PBRM1: variants seen among roughly 807,000 people sequenced by gnomAD.
PBRM1 encodes polybromo 1.
A neutral mutation model predicts 194.5 loss-of-function variants in PBRM1; 27 were observed. The observed-to-expected ratio is 0.14, with a 90% CI of 0.10 to 0.19. The LOEUF (loss-of-function observed/expected upper bound fraction) is 0.19, where lower values mean the gene tolerates loss of function less well. Among genes scored for constraint, PBRM1 ranks in the 10% least tolerant of loss-of-function variants. The pLI, the probability that PBRM1 is intolerant of heterozygous loss-of-function variation, is 1.00. For missense variants in PBRM1, 1,466 were observed against 2,077.2 expected, an observed-to-expected ratio of 0.71 and a Z score of 5.72; for synonymous variants, 655 against 693.2, an observed-to-expected ratio of 0.94 and a Z score of 0.87.
At chr3:52,584,468 T>TTC (rs1292135318) in intron 20 of PBRM1, among the ~76,000 whole-genome samples, 1 of 142,338 alleles carries the variant, frequency 7.0e-6, no homozygotes. Context: ...TTTTTTTTTT[T>TTC]TTTTTTTGAG....
intron 25 of PBRM1, among the ~76,000 whole-genome samples, chr3:52,559,260 C>G (rs980344506): frequency 6.6e-6 from 1 of 152,200 alleles, no homozygotes; most frequent in Middle Eastern, 3.4e-3. Context: ...AGTTCTGGGC[C>G]GTAGAATACA....
chr3:52,674,639 A>T lies in PBRM1; in HGVS notation c.236+3861T>A, dbSNP rs1026504020. On this transcript the variant is annotated intron_variant, in intron 2 of 29. Transcript: ENST00000296302. ...ACCCTGTCTCTACCAAAAAAAAAAA[A>T]AAAAATATATATATATATATATATA... Among the ~76,000 whole-genome samples, 138 of 129,014 alleles carry T rather than the reference A, an allele frequency of 1.1e-3. 1 individual carries two copies. The highest frequency in any genetic ancestry group is 7.0e-3 in the Admixed American group (81 of 11,644). 84.6% of individuals were successfully genotyped at this position (129,014 alleles called of 152,430 possible). A position where few individuals can be genotyped will look rare whatever the true frequency, so the allele number is the denominator to read the frequency against.
exon 18 of PBRM1, chr3:52,589,221 T>C (rs1258254586): frequency 6.4e-7 from 1 of 1,560,952 alleles, no homozygotes. Flanking sequence ...CTGAGAGGCC[T>C]GCAGCACCAG....
intron 27 of PBRM1, among the ~76,000 whole-genome samples, chr3:52,553,971 G>A (rs542166977): frequency 8.6e-5 from 13 of 151,662 alleles, no homozygotes; most frequent in Admixed American, 7.2e-4. Flanking sequence ...CTAACACCTG[G>A]CTAATTTTTA....
intron 16 of PBRM1, among the ~76,000 whole-genome samples, chr3:52,606,337 T>C (rs1252956123): frequency 6.6e-6 from 1 of 152,210 alleles, no homozygotes; most frequent in Non-Finnish European, 1.5e-5. Context: ...GTTTGTTTTC[T>C]GAATGAAGAT....
At chr3:52,602,036 C>T (rs1023932198) in intron 17 of PBRM1, among the ~76,000 whole-genome samples, 3 of 152,174 alleles carry the variant, frequency 2.0e-5, no homozygotes, top group African/African-American at 7.2e-5. Flanking sequence ...TTGGGCTGGA[C>T]AATCCCCAGG....
chr3:52,672,530 T>G (rs2096972629), intron 2 of PBRM1, among the ~76,000 whole-genome samples: 1 of 150,098 alleles, frequency 6.7e-6, no homozygotes, highest in African/African-American at 2.5e-5. Context: ...GTTTCACTCT[T>G]GTTGCCCAGG....
At chr3:52,674,643 A>AAAAAAT (rs1193129880) in intron 2 of PBRM1, among the ~76,000 whole-genome samples, 25 of 72,416 alleles carry the variant, frequency 3.5e-4, no homozygotes, top group African/African-American at 9.7e-4. Flanking sequence ...AAAAAAAAAA[A>AAAAAAT]ATATATATAT....
intron 15 of PBRM1, among the ~76,000 whole-genome samples, chr3:52,610,816 G>A (rs2094567571): frequency 6.6e-6 from 1 of 152,116 alleles, no homozygotes; most frequent in Non-Finnish European, 1.5e-5. Context: ...GGTGGCGCCT[G>A]TAATCCCAGT....
At chr3:52,561,368 G>C (rs528659964) in intron 25 of PBRM1, among the ~76,000 whole-genome samples, 2 of 152,266 alleles carry the variant, frequency 1.3e-5, no homozygotes, top group South Asian at 4.1e-4. Flanking sequence ...GGCTTACCAA[G>C]AGCTGTAACA....
At chr3:52,634,497 AT>A in intron 11 of PBRM1, 104 bp downstream of exon 12, 1 of 756,816 alleles carries the variant, frequency 1.3e-6, no homozygotes, top group Non-Finnish European at 2.1e-6. Context: ...AAAAAACACC[AT>A]TTTTACCTTT....
Position 52,609,885 on chromosome 3 carries a change from G to A in PBRM1, c.1995C>T (p.Val665=). 1 of 1,576,764 alleles carries A rather than the reference G, an allele frequency of 6.3e-7. No homozygotes were observed. Among genetic ancestry groups the A allele is most frequent in the Non-Finnish European group, 8.6e-7 (1 of 1,163,198 alleles). Residue 665 remains valine (V), a synonymous_variant, in exon 16 of 30, where the codon GTC becomes GTT. Transcript: ENST00000296302. This position sits in a 1 kb window ranked among gnomAD's most constrained non-coding sequence, Gnocchi z 4.1. ...CAGTATAGTTCTTTACAGCTTCATA[G>A]ACCTCATTTAGTTTCTGCTGCATTG...
At chr3:52,666,634 GTAATC>G (rs1378021619) in intron 3 of PBRM1, among the ~76,000 whole-genome samples, 1 of 152,182 alleles carries the variant, frequency 6.6e-6, no homozygotes, top group Non-Finnish European at 1.5e-5. Flanking sequence ...GTTCATGCCT[GTAATC>G]CCAGCACTTG....
intron 22 of PBRM1, among the ~76,000 whole-genome samples, chr3:52,570,790 T>C (rs2086808412): frequency 6.6e-6 from 1 of 152,202 alleles, no homozygotes; most frequent in Admixed American, 6.5e-5. Context: ...ATAACTTTCA[T>C]TTACTTATGT....
At chr3:52,564,789 C>T (rs1393725393) in intron 22 of PBRM1, among the ~76,000 whole-genome samples, 1 of 151,992 alleles carries the variant, frequency 6.6e-6, no homozygotes, top group Non-Finnish European at 1.5e-5. Context: ...ATAAGGGTTC[C>T]AAGACAATTC....
At chr3:52,666,823 C>T (rs1256331353) in intron 3 of PBRM1, among the ~76,000 whole-genome samples, 1 of 147,832 alleles carries the variant, frequency 6.8e-6, no homozygotes, top group Non-Finnish European at 1.5e-5. Context: ...GCCCAGGAGA[C>T]AAGGGCTGTA....
chr3:52,644,739 T>C (rs2096240173), exon 8 of PBRM1: 1 of 1,564,310 alleles, frequency 6.4e-7, no homozygotes, highest in South Asian at 1.1e-5. Flanking sequence ...TTTCATGATG[T>C]TCAATTTCAG....
At chr3:52,668,762 T>G (rs1281374456) in intron 2 of PBRM1, 117 bp from the exon 4 acceptor site, 1 of 412,538 alleles carries the variant, frequency 2.4e-6, no homozygotes, top group East Asian at 3.8e-5. Context: ...TTAGAATCTT[T>G]CATGGACTTT....
At chr3:52,648,416 T>C in exon 7 of PBRM1, 1 of 1,604,982 alleles carries the variant, frequency 6.2e-7, no homozygotes. Flanking sequence ...CTTTGGCCAT[T>C]GCATGAATAC....
Sources: allele counts gnomAD v4.1 joint callset (sites outside exome capture counted in the v4.1 genomes callset), GRCh38; gene constraint gnomAD v4.1.1; non-coding constraint Gnocchi (gnomAD v3.1); transcripts MANE v1.5; gene names NCBI Gene and HGNC (gene_info 2026-07-23, HGNC 2026-07-21).